Variants in TULP4 observed in about 807,000 individuals in gnomAD.
The protein encoded by TULP4 is TUB like protein 4.
Under a neutral mutation model 129.0 loss-of-function variants are expected in TULP4, and 16 were observed. The observed-to-expected ratio is 0.12, with a 90% confidence interval of 0.08 to 0.19. The LOEUF is 0.19. Ranked by LOEUF, TULP4 falls within the 10% of genes least tolerant of loss-of-function variation. The probability of loss-of-function intolerance (pLI) is 1.00; values close to 1 mark genes in which losing one functional copy is unlikely to be tolerated. For synonymous variants in TULP4, 998 were observed against 854.0 expected (o/e 1.17, Z -2.94); for missense variants, 1,842 against 2,059.1 (o/e 0.89, Z 2.04).
chr6:158,249,089 CAAA>C (rs3884262), intron 1 of TULP4, among the ~76,000 whole-genome samples: 11 of 106,510 alleles, frequency 1.0e-4, no homozygotes, highest in African/African-American at 1.6e-4. Flanking sequence ...GACCCTGTCT[CAAA>C]AAAAAAAAAA....
intron 1 of TULP4, among the ~76,000 whole-genome samples, chr6:158,302,153 A>G (rs1474879930): frequency 6.6e-6 from 1 of 152,182 alleles, no homozygotes; most frequent in Non-Finnish European, 1.5e-5. Flanking sequence ...GGGGAAATTG[A>G]GCTCAAAGTA....
chr6:158,344,321 T>C (rs1040753748), intron 1 of TULP4, among the ~76,000 whole-genome samples: 8 of 152,214 alleles, frequency 5.3e-5, no homozygotes, highest in Non-Finnish European at 1.2e-4. Context: ...GCCTGTGTGG[T>C]GGACTCTCTT....
chr6:158,460,922 A>G (rs558603627), intron 5 of TULP4, among the ~76,000 whole-genome samples: 12 of 152,330 alleles, frequency 7.9e-5, no homozygotes, highest in Admixed American at 6.5e-4. Context: ...TAAAAAAAAA[A>G]AAAAGGAAGT....
chr6:158,273,035 GAC>G (rs1385592754), intron 1 of TULP4, among the ~76,000 whole-genome samples: 1 of 152,212 alleles, frequency 6.6e-6, no homozygotes, highest in Non-Finnish European at 1.5e-5. Context: ...GGACCTACCC[GAC>G]ACTTCACTGG....
At chr6:158,383,917 A>T (rs827976) in intron 1 of TULP4, among the ~76,000 whole-genome samples, 73,994 of 152,050 alleles carry the variant, frequency 0.49, 18,704 homozygotes, top group African/African-American at 0.62. Flanking sequence ...TGGCTTGGAT[A>T]AGGTTTTGGA....
chr6:158,484,898 C>T (rs1468460191), intron 8 of TULP4, among the ~76,000 whole-genome samples: 2 of 152,366 alleles, frequency 1.3e-5, no homozygotes, highest in African/African-American at 4.8e-5. Context: ...CTGGAGAACC[C>T]TGACTAATAC....
intron 1 of TULP4, chr6:158,398,426 T>C (rs985759240): frequency 3.9e-5 from 6 of 152,364 alleles, no homozygotes; most frequent in South Asian, 2.1e-4. Context: ...CCACCCACTG[T>C]GATCTCTGGA....
At chr6:158,473,892 A>G (rs1779750841) in intron 6 of TULP4, among the ~76,000 whole-genome samples, 2 of 151,868 alleles carry the variant, frequency 1.3e-5, no homozygotes, top group Admixed American at 6.6e-5. Context: ...ATCATAGCTC[A>G]CTGTAGCCTC....
At position 158,453,572 on chromosome 6, in the gene TULP4, C is replaced by T. The variant is rs538561722; in HGVS notation, c.859+1304C>T. On this transcript the variant is annotated intron_variant, in intron 5 of 13. Transcript: ENST00000367097. Reference sequence around the variant, plus strand: ...TTGGGAGGCCGAGGCGGGCAGATCACGAGGTCAGGAGTTCAAGATCAGCCT... The same window carrying T: ...TTGGGAGGCCGAGGCGGGCAGATCATGAGGTCAGGAGTTCAAGATCAGCCT... Among the ~76,000 whole-genome samples, 12 of 149,092 alleles carry T rather than the reference C, an allele frequency of 8.0e-5. No homozygotes were observed. The East Asian group carries it at 2.0e-3, about 24-fold the overall frequency.
At chr6:158,249,453 T>C (rs2128451331) in intron 1 of TULP4, among the ~76,000 whole-genome samples, 2 of 152,330 alleles carry the variant, frequency 1.3e-5, no homozygotes, top group Middle Eastern at 6.8e-3. Flanking sequence ...TGGCACGCAT[T>C]CTGTTTCGTC....
Position 158,493,657 on chromosome 6 carries a change from G to A in TULP4, c.1716G>A (p.Lys572=), listed in dbSNP as rs569651961. The change falls in exon 10 of 14, where the codon AAG becomes AAA. Residue 572 remains lysine (K), a synonymous_variant. Coordinates refer to ENST00000367097, the MANE Select transcript of TULP4 (RefSeq NM_020245.5). This position sits in a 1 kb window ranked among gnomAD's most constrained non-coding sequence, Gnocchi z 4.4. ...LSRSPRLPLR[K]PSVGSPSLTR... is the part of the protein sequence containing the mutation. ...GGTCCCCACGGTTGCCCCTGCGCAA[G>A]CCCTCTGTGGGCTCGCCCAGCCTGA... is the stretch of plus-strand genomic sequence containing the variant. The A allele has an allele frequency of 3.1e-6, 5 of 1,598,516 alleles. No homozygotes were observed. The South Asian group carries it at 4.5e-5, about 14-fold the overall frequency.
At chr6:158,241,037 G>C (rs1203362222) in intron 1 of TULP4, among the ~76,000 whole-genome samples, 1 of 137,832 alleles carries the variant, frequency 7.3e-6, no homozygotes, top group Non-Finnish European at 1.6e-5. Flanking sequence ...AGATGGGGCG[G>C]CCGGGTAGAG....
chr6:158,264,270 C>CA (rs1247640388), intron 1 of TULP4, among the ~76,000 whole-genome samples: 1 of 152,064 alleles, frequency 6.6e-6, no homozygotes, highest in African/African-American at 2.4e-5. Flanking sequence ...GTGGTGAGGG[C>CA]AGTGGCGTGT....
intron 2 of TULP4, among the ~76,000 whole-genome samples, chr6:158,414,528 A>G (rs1223454446): frequency 7.2e-6 from 1 of 139,052 alleles, no homozygotes; most frequent in Non-Finnish European, 1.7e-5. Flanking sequence ...CTTGTCTGGC[A>G]TGGAACTGCC....
chr6:158,463,061 C>A (rs1157888610), intron 6 of TULP4, among the ~76,000 whole-genome samples: 1 of 152,058 alleles, frequency 6.6e-6, no homozygotes, highest in African/African-American at 2.4e-5. Flanking sequence ...GCCTACCTAC[C>A]CTGTGTCTTT....
chr6:158,252,671 G>A (rs1778166136), intron 1 of TULP4, among the ~76,000 whole-genome samples: 1 of 152,198 alleles, frequency 6.6e-6, no homozygotes, highest in African/African-American at 2.4e-5. Context: ...ACCGCGCCCA[G>A]CCAGCATCTT....
chr6:158,334,842 G>A (rs1332113924), intron 1 of TULP4, among the ~76,000 whole-genome samples: 3 of 152,136 alleles, frequency 2.0e-5, no homozygotes, highest in Admixed American at 6.5e-5. Flanking sequence ...CTTGAGGAAG[G>A]GCTTTATTTC....
intron 1 of TULP4, among the ~76,000 whole-genome samples, chr6:158,293,144 T>C (rs1778973784): frequency 1.3e-5 from 2 of 152,218 alleles, no homozygotes; most frequent in Non-Finnish European, 1.5e-5. Context: ...AATTACATGT[T>C]CATATTCTCA....
upstream of TULP4, among the ~76,000 whole-genome samples, chr6:158,279,266 A>T (rs1289236547): frequency 6.6e-6 from 1 of 152,114 alleles, no homozygotes; most frequent in African/African-American, 2.4e-5. Context: ...GAAAATGTAG[A>T]ACAATAAGTA....
Sources: allele counts gnomAD v4.1 joint callset (sites outside exome capture counted in the v4.1 genomes callset), GRCh38; gene constraint gnomAD v4.1.1; non-coding constraint Gnocchi (gnomAD v3.1); transcripts MANE v1.5; gene names NCBI Gene and HGNC (gene_info 2026-07-23, HGNC 2026-07-21).